The following OR4K1 variants were observed in gnomAD, a reference collection of about 807,000 sequenced individuals.
OR4K1 encodes olfactory receptor family 4 subfamily K member 1, also known as olfactory receptor 4K1.
OR4K1 carries 16 observed loss-of-function variants against 14.4 expected under a neutral mutation model. The observed-to-expected ratio is 1.11, with a 90% CI of 0.75 to 1.68. The LOEUF (loss-of-function observed/expected upper bound fraction) is 1.68, where lower values mean the gene tolerates loss of function less well. Ranked by LOEUF, OR4K1 falls within the 40% of genes most tolerant of loss-of-function variation. The pLI, the probability that OR4K1 is intolerant of heterozygous loss-of-function variation, is 0.00. For missense variants in OR4K1, 548 were observed against 376.9 expected (o/e 1.45, Z -3.76); for synonymous variants, 181 against 133.1 (o/e 1.36, Z -2.48).
At chr14:19,922,150 C>T in the OR4K1 span, among the ~76,000 whole-genome samples, 1 of 151,874 alleles carries the variant, frequency 6.6e-6, no homozygotes, top group Non-Finnish European at 1.5e-5. Context: ...ATGATACATA[C>T]TCAGAAGCTT....
chr14:19,921,154 G>A, the OR4K1 span: 24 of 1,614,094 alleles, frequency 1.5e-5, no homozygotes, highest in East Asian at 6.7e-5. Context: ...GATCTTCCTC[G>A]AGTCACCAAA....
chr14:19,921,478 A>G, the OR4K1 span: 18 of 1,614,086 alleles, frequency 1.1e-5, no homozygotes, highest in Non-Finnish European at 1.5e-5. Context: ...ACACTAAGGA[A>G]TAGGGATATG....
upstream of OR4K1, among the ~76,000 whole-genome samples, chr14:19,930,609 T>G (rs1882163816): frequency 1.3e-5 from 2 of 152,252 alleles, no homozygotes. Flanking sequence ...ATTGTGTGAT[T>G]GTTTTATTAA....
At chr14:19,928,425 T>C (rs903197478), upstream of OR4K1, among the ~76,000 whole-genome samples, 1 of 152,222 alleles carries the variant, frequency 6.6e-6, no homozygotes, top group African/African-American at 2.4e-5. Flanking sequence ...TCTCTTCTTC[T>C]GTGACTTCAA....
the OR4K1 span, chr14:19,921,189 A>G: frequency 1.2e-6 from 2 of 1,614,182 alleles, no homozygotes; most frequent in Non-Finnish European, 1.7e-6. Flanking sequence ...CTCTTACATC[A>G]TTGAAATACT....
At chr14:19,923,656 G>A in the OR4K1 span, among the ~76,000 whole-genome samples, 1 of 152,158 alleles carries the variant, frequency 6.6e-6, no homozygotes, top group Non-Finnish European at 1.5e-5. Flanking sequence ...CTAAGCTTAT[G>A]TACAAATTTA....
chr14:19,927,739 G>A (rs535721287), upstream of OR4K1, among the ~76,000 whole-genome samples: 4 of 152,296 alleles, frequency 2.6e-5, no homozygotes, highest in South Asian at 2.1e-4. Flanking sequence ...TCCTCTGAAG[G>A]GGGGGTAGTG....
chr14:19,925,508 G>T, the OR4K1 span, among the ~76,000 whole-genome samples: 1 of 152,236 alleles, frequency 6.6e-6, no homozygotes, highest in African/African-American at 2.4e-5. Context: ...TATGGTAGAT[G>T]AATATATTCC....
chr14:19,935,956 G>T lies in OR4K1; in HGVS notation c.290G>T (p.Cys97Phe). 2 of 1,614,204 alleles carry T rather than the reference G, an allele frequency of 1.2e-6. No homozygotes were observed. Among genetic ancestry groups the T allele is most frequent in the Non-Finnish European group, 1.7e-6 (2 of 1,180,024 alleles). Residue 97 changes from cysteine to phenylalanine, a missense_variant, in exon 2 of 2, where the codon TGC becomes TTC. Cys to Phe is a radical substitution (Grantham distance 205, BLOSUM62 -2). Coordinates refer to ENST00000641172, the MANE Select transcript of OR4K1 (RefSeq NM_001004063.3). ...CGCAAGACTATCTCCTTTGAGGGTT[G>T]CATGGCCCAGATATTCGTTCTTCAC... The part of the protein sequence containing the change: ...IERKTISFEG[C>F]MAQIFVLHSF...
In OR4K1 at chr14:19,936,715, C is replaced by T. The variant is rs2792144; in HGVS notation, c.*113C>T. ...ATGGGTTATTGAGTTACAGAATTGG[C>T]TTTTTGTTTTAAGTGCAAGGGAATT... On this transcript the variant is annotated 3_prime_UTR_variant, in exon 2 of 2. Transcript: ENST00000641172. The T allele has an allele frequency of 0.39, 356,761 of 907,534 alleles. 37,624 individuals are homozygous for T. The highest frequency in any genetic ancestry group is 0.6 in the East Asian group (21,351 of 35,848). 56.2% of individuals were successfully genotyped at this position (907,534 alleles called of 1,614,324 possible).
the OR4K1 span, chr14:19,920,648 G>C: frequency 3.1e-6 from 5 of 1,613,582 alleles, no homozygotes; most frequent in South Asian, 1.1e-5. Context: ...AATTTGTACT[G>C]TTGGGACTCT....
At chr14:19,929,373 G>A (rs1211142836), upstream of OR4K1, among the ~76,000 whole-genome samples, 1 of 105,736 alleles carries the variant, frequency 9.5e-6, no homozygotes, top group Non-Finnish European at 2.4e-5. Context: ...GTGTGTGTGT[G>A]TGTGTGTGTG....
the OR4K1 span, chr14:19,921,581 C>G: frequency 6.2e-7 from 1 of 1,603,568 alleles, no homozygotes; most frequent in Admixed American, 1.7e-5. Flanking sequence ...TTCATTAAGA[C>G]AAAACTCCTT....
the OR4K1 span, among the ~76,000 whole-genome samples, chr14:19,924,348 C>T: frequency 3.0e-5 from 4 of 134,778 alleles, no homozygotes; most frequent in Admixed American, 8.9e-5. Flanking sequence ...TGTGGTGAGC[C>T]GAGATCGCGC....
rs1402197207 is a variant in OR4K1 at position 19,935,942 on chromosome 14, C to A, written c.276C>A (p.Ile92=). The change falls in exon 2 of 2, where the codon ATC becomes ATA. Residue 92 remains isoleucine (I), a synonymous_variant. Transcript: ENST00000641172. ...LVDFFIERKT[I]SFEGCMAQIF... ...ACTTTTTTATTGAGCGCAAGACTAT[C>A]TCCTTTGAGGGTTGCATGGCCCAGA... 1.2e-6 allele frequency: 2 copies of A among 1,614,218 alleles called. No individual in the cohort carries two copies. Among genetic ancestry groups the A allele is most frequent in the African/African-American group, 1.3e-5 (1 of 75,072 alleles).
upstream of OR4K1, among the ~76,000 whole-genome samples, chr14:19,929,390 TGTGTGTGTGTGTGTGC>T (rs1267815965): frequency 6.7e-5 from 10 of 148,858 alleles, no homozygotes; most frequent in African/African-American, 2.5e-4. Context: ...TGTGTGTGTG[TGTGTGTGTGTGTGTGC>T]GTATGGGGGG....
intron 1 of OR4K1, among the ~76,000 whole-genome samples, chr14:19,933,426 C>T (rs1882230134): frequency 6.6e-6 from 1 of 152,124 alleles, no homozygotes. Context: ...CTTTCTTTTT[C>T]AATGTTTCTT....
At chr14:19,929,282 T>C (rs867518604), upstream of OR4K1, among the ~76,000 whole-genome samples, 44 of 149,070 alleles carry the variant, frequency 3.0e-4, no homozygotes, top group African/African-American at 9.7e-4. Flanking sequence ...TGGATACTAT[T>C]CTGTTTCATT....
At chr14:19,921,693 A>G in the OR4K1 span, 1 of 1,101,812 alleles carries the variant, frequency 9.1e-7, no homozygotes, top group Non-Finnish European at 1.3e-6. Flanking sequence ...GAGAACATTT[A>G]ATGAATATTA....
Sources: gnomAD v4.1 joint callset for allele counts (sites outside exome capture counted in the v4.1 genomes callset) on GRCh38, gnomAD v4.1.1 for gene constraint, MANE v1.5 for transcripts, NCBI Gene and HGNC (gene_info 2026-07-23, HGNC 2026-07-21) for gene names.